Variants in ANKLE2 observed in about 807,000 individuals in gnomAD.
The protein encoded by ANKLE2 is ankyrin repeat and LEM domain-containing protein 2.
In ANKLE2, 55 loss-of-function variants were observed where a neutral mutation model predicts 84.2. That is an observed-to-expected ratio of 0.65 (90% CI 0.53 to 0.82). ANKLE2 has a LOEUF of 0.82. Ranked by LOEUF, ANKLE2 falls within the 40% of genes least tolerant of loss-of-function variation. The pLI, the probability that ANKLE2 is intolerant of heterozygous loss-of-function variation, is 0.00. For synonymous variants in ANKLE2, 551 were observed against 486.1 expected (o/e 1.13, Z -1.76); for missense variants, 1,238 against 1,201.9 (o/e 1.03, Z -0.44).
chr12:132,747,716 G>GT (rs753448034), intron 5 of ANKLE2, 116 bp downstream of exon 5: 7 of 1,315,036 alleles, frequency 5.3e-6, no homozygotes, highest in Non-Finnish European at 7.2e-6. Flanking sequence ...TGTAATTGAT[G>GT]TATCTTTTCC....
At chr12:132,750,204 C>CAAAAAAA (rs1038591889) in intron 3 of ANKLE2, among the ~76,000 whole-genome samples, 2 of 79,342 alleles carry the variant, frequency 2.5e-5, no homozygotes, top group Non-Finnish European at 4.6e-5. Context: ...GACTCCATCT[C>CAAAAAAA]AAAAAAAAAA....
chr12:132,733,503 A>C (rs868267813), intron 10 of ANKLE2, among the ~76,000 whole-genome samples: 60 of 148,378 alleles, frequency 4.0e-4, no homozygotes, highest in African/African-American at 1.3e-3. Flanking sequence ...TCTGATATGC[A>C]CCGTGTGAAG....
rs1475452477 is a variant in ANKLE2 at position 132,743,769 on chromosome 12, G to GTAA, written c.1231-494_1231-493insTTA. Among the ~76,000 whole-genome samples the GTAA allele has an allele frequency of 2.4e-4, 36 of 152,134 alleles. No individual in the cohort carries two copies. Among genetic ancestry groups the GTAA allele is most frequent in the Admixed American group, 2.3e-3 (35 of 15,268 alleles). ...CACTTCGTGCCAAGGCTTGAGCTTA[G>GTAA]CATACTGACCTGGGTGCCCAGACCC... On this transcript the variant is annotated intron_variant, in intron 5 of 12. Coordinates refer to ENST00000357997, the MANE Select transcript of ANKLE2 (RefSeq NM_015114.3). The surrounding 1 kb of genome is among the most constrained non-coding windows in gnomAD (Gnocchi z 4.1).
At chr12:132,733,272 T>C (rs770470963) in intron 10 of ANKLE2, among the ~76,000 whole-genome samples, 45 of 139,396 alleles carry the variant, frequency 3.2e-4, no homozygotes, top group Non-Finnish European at 5.5e-4. Context: ...GTGTCTGATA[T>C]GCACCGTGTG....
At chr12:132,751,458 C>T (rs991777203) in intron 2 of ANKLE2, 1 of 152,070 alleles carries the variant, frequency 6.6e-6, no homozygotes, top group African/African-American at 2.4e-5. Context: ...CCAGGCTGGT[C>T]TCAAACTCCT....
intron 1 of ANKLE2, chr12:132,756,228 G>C (rs1455040048): frequency 6.6e-6 from 1 of 151,750 alleles, no homozygotes; most frequent in Admixed American, 6.6e-5. Flanking sequence ...AAATTAGCCG[G>C]GCGTGGTGGT....
chr12:132,750,036 G>GGT (rs2044322743), intron 3 of ANKLE2, among the ~76,000 whole-genome samples: 1 of 151,788 alleles, frequency 6.6e-6, no homozygotes, highest in Non-Finnish European at 1.5e-5. Context: ...TGGCCAACAT[G>GGT]GTGGCTAAAA....
At chr12:132,752,406 ACTTT>A (rs1261397319) in intron 2 of ANKLE2, among the ~76,000 whole-genome samples, 1 of 152,266 alleles carries the variant, frequency 6.6e-6, no homozygotes, top group Admixed American at 6.5e-5. Context: ...TCCCAGTGTT[ACTTT>A]CTTTTTTTTG....
chr12:132,729,753 C>G lies in ANKLE2; in HGVS notation c.2409G>C (p.Leu803Phe), dbSNP rs572111545. The part of the protein sequence containing the change: ...EMSARIAKMS[L>F]SPSSPRHEDQ... ...CCTCGTGCCTGGGGCTGCTGGGACT[C>G]AAGGACATTTTAGCGATCCTGGCTG... is the stretch of plus-strand genomic sequence containing the variant. Residue 803 changes from leucine to phenylalanine, a missense_variant, in exon 11 of 13, where the codon TTG becomes TTC. Transcript: ENST00000357997. 6.2e-7 allele frequency: 1 copy of G among 1,611,888 alleles called. No individual in the cohort carries two copies. Among genetic ancestry groups the G allele is most frequent in the Middle Eastern group, 1.7e-4 (1 of 6,058 alleles).
At chr12:132,740,351 T>TA (rs2044096416) in intron 7 of ANKLE2, among the ~76,000 whole-genome samples, 1 of 152,164 alleles carries the variant, frequency 6.6e-6, no homozygotes, top group African/African-American at 2.4e-5. Context: ...TCACGCTTGG[T>TA]AAACTTCTAT....
At chr12:132,741,376 C>G (rs370411720) in intron 7 of ANKLE2, 43 bp downstream of exon 7, 50 of 1,601,272 alleles carry the variant, frequency 3.1e-5, no homozygotes, top group Non-Finnish European at 4.0e-5. Context: ...AAGGCCCTTC[C>G]CGGCGTGGAC....
Position 132,726,652 on chromosome 12 carries a change from A to C in ANKLE2, c.*590T>G, listed in dbSNP as rs1412284081. The C allele has an allele frequency of 6.6e-6, 1 of 152,238 alleles. No homozygotes were observed. The highest frequency in any genetic ancestry group is 1.5e-5 in the Non-Finnish European group (1 of 68,158). The allele number at this position is 152,238 out of a possible 1,614,324, so 9.4% of individuals were successfully genotyped here. A position where few individuals can be genotyped will look rare whatever the true frequency, so the allele number is the denominator to read the frequency against. On this transcript the variant is annotated 3_prime_UTR_variant, in exon 13 of 13. Coordinates refer to ENST00000357997, the MANE Select transcript of ANKLE2 (RefSeq NM_015114.3). ...AAATATTCCGAACAACCCAAATCAC[A>C]ATGGTTGCTGCAAGTCTGAGGCGCG...
intron 7 of ANKLE2, chr12:132,737,760 T>TC (rs2044042559): frequency 6.6e-6 from 1 of 152,074 alleles, no homozygotes. Context: ...CTCCTTTTTT[T>TC]CTCCTCTTAG....
chr12:132,728,219 T>C (rs968295338), intron 11 of ANKLE2, 56 bp from the exon 12 acceptor site: 2 of 1,583,844 alleles, frequency 1.3e-6, no homozygotes, highest in African/African-American at 1.4e-5. Flanking sequence ...TAAAGACTTC[T>C]AAAATACCAC....
intron 12 of ANKLE2, 148 bp downstream of exon 12, chr12:132,727,884 G>C: frequency 1.8e-6 from 2 of 1,104,610 alleles, no homozygotes; most frequent in Non-Finnish European, 2.6e-6. Flanking sequence ...TGTGTGCAGA[G>C]AGCCACAACA....
intron 7 of ANKLE2, among the ~76,000 whole-genome samples, chr12:132,740,911 A>T (rs146937171): frequency 7.9e-6 from 1 of 125,988 alleles, no homozygotes; most frequent in Non-Finnish European, 1.9e-5. Context: ...GGCGTGCACC[A>T]GGAGTACAGG....
chr12:132,742,639 C>T (rs2044148443), intron 6 of ANKLE2: 1 of 150,096 alleles, frequency 6.7e-6, no homozygotes, highest in African/African-American at 2.5e-5. Flanking sequence ...AAGCTTAGCA[C>T]AGCACCTGGT....
chr12:132,754,836 C>T lies in ANKLE2; in HGVS notation c.479G>A (p.Ser160Asn), dbSNP rs199508652. The T allele has an allele frequency of 8.7e-6, 14 of 1,614,190 alleles. No individual in the cohort carries two copies. Among genetic ancestry groups the T allele is most frequent in the Non-Finnish European group, 1.2e-5 (14 of 1,180,046 alleles). Residue 160 changes from serine to asparagine, a missense_variant, in exon 2 of 13, where the codon AGT (serine) becomes AAT (asparagine). Ser to Asn is a conservative substitution (Grantham distance 46). Coordinates refer to ENST00000357997, the MANE Select transcript of ANKLE2 (RefSeq NM_015114.3). ...GFSEDRDFGY[S>N]VGLNPPEEEA... ...CTCCTCTGGAGGATTCAGGCCCACA[C>T]TGTAACCAAAATCTCTGTCTTCAGA...
At chr12:132,761,468 A>C (rs1402686374) in intron 1 of ANKLE2, 150 bp downstream of exon 1, 4 of 650,924 alleles carry the variant, frequency 6.1e-6, no homozygotes, top group Non-Finnish European at 8.5e-6. Flanking sequence ...CGCGGCCGGA[A>C]TGGCCTTTCC....
Sources: gnomAD v4.1 joint callset for allele counts (sites outside exome capture counted in the v4.1 genomes callset) on GRCh38, gnomAD v4.1.1 for gene constraint, Gnocchi (gnomAD v3.1) non-coding constraint, MANE v1.5 for transcripts, NCBI Gene and HGNC (gene_info 2026-07-23, HGNC 2026-07-21) for gene names.